MYH11: variants seen among roughly 807,000 people sequenced by gnomAD.
MYH11 encodes the protein myosin-11.
Under a neutral mutation model 246.6 loss-of-function variants are expected in MYH11, and 80 were observed. The observed-to-expected ratio is 0.32, with a 90% CI of 0.27 to 0.39. MYH11 has a LOEUF of 0.39. Ranked by LOEUF, MYH11 falls within the 10% of genes least tolerant of loss-of-function variation. MYH11 has a pLI of 1.00. For missense variants in MYH11, 2,158 were observed against 2,546.8 expected (o/e 0.85, Z 3.29); for synonymous variants, 1,071 against 1,015.5 (o/e 1.05, Z -1.04).
In MYH11 at chr16:15,795,343, G is replaced by A. The variant is rs1163084470; in HGVS notation, c.530+3317C>T. Reference sequence around the variant, plus strand: ...AACTGCAGGATGGGCCAGGCTCAGCGGCTCATGCCTGTAATCCCAGCACTT... The same window carrying A: ...AACTGCAGGATGGGCCAGGCTCAGCAGCTCATGCCTGTAATCCCAGCACTT... On this transcript the variant is annotated intron_variant, in intron 4 of 40. Coordinates refer to ENST00000300036, the MANE Select transcript of MYH11 (RefSeq NM_002474.3). 5.9e-5 allele frequency among the ~76,000 whole-genome samples: 9 copies of A among 152,026 alleles called. 1 individual carries two copies. The South Asian group carries it at 1.0e-3, about 18-fold the overall frequency.
At chr16:15,727,543 C>G (rs746562985) in intron 27 of MYH11, among the ~76,000 whole-genome samples, 1 of 152,176 alleles carries the variant, frequency 6.6e-6, no homozygotes, top group Non-Finnish European at 1.5e-5. Flanking sequence ...GGGTTGCAAT[C>G]TGGAATCCCA....
chr16:15,721,035 T>G lies in MYH11; in HGVS notation c.4595A>C (p.Lys1532Thr), dbSNP rs1351788093. 1 of 1,613,904 alleles carries G rather than the reference T, an allele frequency of 6.2e-7. No homozygotes were observed. The highest frequency in any genetic ancestry group is 1.3e-5 in the African/African-American group (1 of 74,898). ...CTGGGTCTCCAGGGCCCGCTTGGACTTCTCCAGCTCATGGACCTGCCGGCA... is the reference window on the plus strand; with the variant it reads ...CTGGGTCTCCAGGGCCCGCTTGGACGTCTCCAGCTCATGGACCTGCCGGCA... ...DVGKNVHELE[K>T]SKRALETQME... The change falls in exon 33 of 41, where the codon AAG becomes ACG. Residue 1532 changes from lysine (K) to threonine (T), a missense_variant. Physicochemically the swap from Lys to Thr is moderately conservative, Grantham distance 78 (BLOSUM62 -1). Around this residue, in one of 11 missense-constraint regions of MYH11, gnomAD observed 1,013 missense variants for 993.5 expected, o/e 1.02. Coordinates refer to ENST00000300036, the MANE Select transcript of MYH11 (RefSeq NM_002474.3).
chr16:15,724,461 T>G (rs1420159013), intron 30 of MYH11, 52 bp from the exon 31 acceptor site: 1 of 1,610,396 alleles, frequency 6.2e-7, no homozygotes, highest in East Asian at 2.2e-5. Context: ...GAGTGGCCCC[T>G]GTCCCTGGCC....
At chr16:15,733,233 TTTTG>T (rs1437865103) in intron 26 of MYH11, among the ~76,000 whole-genome samples, 2 of 151,942 alleles carry the variant, frequency 1.3e-5, no homozygotes, top group East Asian at 1.9e-4. Flanking sequence ...GAGTCCATGG[TTTTG>T]TTTGTTTGTT....
At position 15,718,305 on chromosome 16, in the gene MYH11, C is replaced by T. The variant is rs368366419; in HGVS notation, c.5295+10G>A. On this transcript the variant is annotated intron_variant, in intron 37 of 40. Coordinates refer to ENST00000300036, the MANE Select transcript of MYH11 (RefSeq NM_002474.3). Reference sequence around the variant, plus strand: ...AGGCAGCGTGACTGTGGTGTCCAGGCGGCCCTCACCTGCTGTGTGGCTTTG... The same window carrying T: ...AGGCAGCGTGACTGTGGTGTCCAGGTGGCCCTCACCTGCTGTGTGGCTTTG... 72 of 1,608,126 alleles carry T rather than the reference C, an allele frequency of 4.5e-5. No homozygotes were observed. Among genetic ancestry groups the T allele is most frequent in the Admixed American group, 4.3e-4 (26 of 60,016 alleles).
chr16:15,727,176 C>G, intron 27 of MYH11, 122 bp from the exon 28 acceptor site: 1 of 818,350 alleles, frequency 1.2e-6, no homozygotes. Context: ...CACACAATCA[C>G]CAGTAAGAGA....
chr16:15,747,546 T>C, intron 19 of MYH11, 24 bp downstream of exon 19: 1 of 1,614,108 alleles, frequency 6.2e-7, no homozygotes, highest in Non-Finnish European at 8.5e-7. Context: ...TTTGAGGTAT[T>C]AGGATGCAGG....
intron 27 of MYH11, among the ~76,000 whole-genome samples, chr16:15,729,793 T>C (rs996638728): frequency 2.0e-5 from 3 of 151,760 alleles, no homozygotes; most frequent in African/African-American, 7.3e-5. Flanking sequence ...TCAGGTGATC[T>C]GCCTGCCTCG....
intron 2 of MYH11, among the ~76,000 whole-genome samples, chr16:15,836,456 A>C (rs1433843532): frequency 6.6e-6 from 1 of 152,160 alleles, no homozygotes; most frequent in African/African-American, 2.4e-5. Context: ...CTGGAGTACA[A>C]TAACGCGATT....
chr16:15,742,016 T>C, intron 20 of MYH11, 125 bp from the exon 21 acceptor site: 20 of 1,399,698 alleles, frequency 1.4e-5, no homozygotes, highest in African/African-American at 2.8e-5. Flanking sequence ...TAGGGGATAT[T>C]GTCTGGAGAC....
chr16:15,726,856 T>C lies in MYH11; in HGVS notation c.3850A>G (p.Lys1284Glu). The change falls in exon 28 of 41, where the codon AAG becomes GAG. Residue 1284 changes from lysine (K) to glutamate (E), a missense_variant. Physicochemically the swap from Lys to Glu is moderately conservative, Grantham distance 56. Transcript: ENST00000300036. ...ARAELNDKVH[K>E]LQNEVESVTG... Reference sequence around the variant, plus strand: ...CCGCGCCACCTCCTCACCTGCAGCTTGTGGACTTTGTCATTGAGCTCCGCC... The same window carrying C: ...CCGCGCCACCTCCTCACCTGCAGCTCGTGGACTTTGTCATTGAGCTCCGCC... 4.3e-6 allele frequency: 7 copies of C among 1,611,948 alleles called. No individual in the cohort carries two copies. In the South Asian group the frequency reaches 7.7e-5, roughly 18 times the overall value.
At chr16:15,760,428 AG>A in intron 11 of MYH11, 111 bp downstream of exon 11, 1 of 877,880 alleles carries the variant, frequency 1.1e-6, no homozygotes, top group Non-Finnish European at 2.0e-6. Context: ...ATGCAGAGGC[AG>A]ACCATGGGTG....
intron 3 of MYH11, among the ~76,000 whole-genome samples, chr16:15,811,225 T>C (rs2043130690): frequency 6.6e-6 from 1 of 152,102 alleles, no homozygotes; most frequent in Non-Finnish European, 1.5e-5. Context: ...GAGAAACAAA[T>C]ATCTGTTTAA....
At chr16:15,845,502 A>G (rs1324778279) in intron 1 of MYH11, among the ~76,000 whole-genome samples, 1 of 152,102 alleles carries the variant, frequency 6.6e-6, no homozygotes, top group Non-Finnish European at 1.5e-5. Context: ...AACCAATAGC[A>G]TTTACTACTG....
At chr16:15,763,328 A>G (rs745500377) in intron 10 of MYH11, among the ~76,000 whole-genome samples, 2 of 152,098 alleles carry the variant, frequency 1.3e-5, no homozygotes, top group Non-Finnish European at 2.9e-5. Context: ...GGCTTGAGAA[A>G]TATTTCTTTA....
chr16:15,737,398 G>A (rs377351026), intron 25 of MYH11, 51 bp downstream of exon 25: 108 of 1,602,036 alleles, frequency 6.7e-5, no homozygotes, highest in Non-Finnish European at 8.7e-5. Context: ...ATGAGCAGGG[G>A]CCCAGGGGAT....
rs1348129284 is a variant in MYH11, at chr16:15,707,978, A to C, written c.5787-3855T>G. 1.6e-3 allele frequency among the ~76,000 whole-genome samples: 208 copies of C among 127,702 alleles called. 1 individual carries two copies. Among genetic ancestry groups the C allele is most frequent in the South Asian group, 2.8e-3 (11 of 3,876 alleles). 83.8% of individuals were successfully genotyped at this position (127,702 alleles called of 152,430 possible). On this transcript the variant is annotated intron_variant, in intron 40 of 40. Transcript: ENST00000300036. ...CCGTCTCAAAAAAAAAAAAAAAAAA[A>C]AGCAAAATCCCAGAGCAGCAGAGAC...
At chr16:15,717,662 G>A (rs947263428) in intron 37 of MYH11, 1 of 459,602 alleles carries the variant, frequency 2.2e-6, no homozygotes, top group Non-Finnish European at 4.0e-6. Flanking sequence ...GGGCAGTGGT[G>A]GCACGTGCCT....
intron 10 of MYH11, among the ~76,000 whole-genome samples, chr16:15,762,909 C>T (rs2041901411): frequency 6.6e-6 from 1 of 152,150 alleles, no homozygotes; most frequent in Non-Finnish European, 1.5e-5. Flanking sequence ...ACACAATATA[C>T]AGCCTGGGCT....
Sources: gnomAD v4.1 joint callset for allele counts (sites outside exome capture counted in the v4.1 genomes callset) on GRCh38, gnomAD v4.1.1 for gene constraint, gnomAD v4.1.1 regional missense constraint, MANE v1.5 for transcripts, NCBI Gene and HGNC (gene_info 2026-07-23, HGNC 2026-07-21) for gene names.